Variants in SNRNP70 observed in about 807,000 individuals in gnomAD.
SNRNP70 encodes the protein U1 small nuclear ribonucleoprotein 70 kDa.
A neutral mutation model predicts 50.5 loss-of-function variants in SNRNP70; 8 were observed. The ratio of observed to expected loss-of-function variants is 0.16; its 90% confidence interval spans 0.09 to 0.29. The LOEUF is 0.29. SNRNP70 is among the 10% of genes least tolerant of loss of function. The pLI, the probability that SNRNP70 is intolerant of heterozygous loss-of-function variation, is 1.00. For synonymous variants in SNRNP70, 320 were observed against 252.9 expected (o/e 1.27, Z -2.52); for missense variants, 529 against 663.5 (o/e 0.80, Z 2.23).
At chr19:49,098,586 AGGGG>A in intron 5 of SNRNP70, 52 bp from the exon 6 acceptor site, 1 of 1,596,166 alleles carries the variant, frequency 6.3e-7, no homozygotes, top group Non-Finnish European at 8.6e-7. Context: ...GGAATGTTCC[AGGGG>A]CTGTGGGACA....
At chr19:49,086,179 A>G (rs999756185) in intron 1 of SNRNP70, among the ~76,000 whole-genome samples, 4 of 151,360 alleles carry the variant, frequency 2.6e-5, no homozygotes, top group African/African-American at 9.7e-5. Context: ...CTCTTCAGGA[A>G]CCCTTTTCCA....
Position 49,108,085 on chromosome 19 carries a change from C to T in SNRNP70, c.956C>T (p.Pro319Leu), listed in dbSNP as rs772050010. The change falls in exon 10 of 10, where the codon CCC (proline) becomes CTC (leucine). Residue 319 changes from proline (P) to leucine (L), a missense_variant. Physicochemically the swap from Pro to Leu is moderately conservative, Grantham distance 98. Transcript: ENST00000598441. The stretch of plus-strand genomic sequence containing the variant: ...GGCGGCGGTGGCGACATGGCGGAGC[C>T]CTCCGAGGCGGGTGACGCGCCCCCT... ...LRGGGGDMAE[P>L]SEAGDAPPDD... The T allele has an allele frequency of 2.6e-6, 4 of 1,553,498 alleles. No homozygotes were observed. The highest frequency in any genetic ancestry group is 2.4e-5 in the South Asian group (2 of 84,034).
intron 4 of SNRNP70, among the ~76,000 whole-genome samples, chr19:49,097,496 C>T (rs1286387422): frequency 6.6e-6 from 1 of 152,176 alleles, no homozygotes; most frequent in Non-Finnish European, 1.5e-5. Context: ...ATTTTTCACA[C>T]GTGTCTGCAA....
chr19:49,085,775 G>C (rs994908913), intron 1 of SNRNP70, 139 bp downstream of exon 1: 1 of 390,686 alleles, frequency 2.6e-6, no homozygotes, highest in African/African-American at 2.1e-5. Flanking sequence ...TCCCTTTCCC[G>C]GACCCCGAAA....
At chr19:49,106,283 T>A (rs77455399) in intron 8 of SNRNP70, among the ~76,000 whole-genome samples, 1 of 152,362 alleles carries the variant, frequency 6.6e-6, no homozygotes, top group Non-Finnish European at 1.5e-5. Flanking sequence ...ATCTTCTAGT[T>A]CAATTGCCAT....
At chr19:49,088,932 C>G (rs1024350822) in intron 2 of SNRNP70, among the ~76,000 whole-genome samples, 1 of 152,196 alleles carries the variant, frequency 6.6e-6, no homozygotes, top group African/African-American at 2.4e-5. Context: ...CACTGGCACT[C>G]ATAAGCAGGG....
chr19:49,104,636 G>A lies in SNRNP70; in HGVS notation c.478G>A (p.Ala160Thr), dbSNP rs777974947. 10 of 1,553,770 alleles carry A rather than the reference G, an allele frequency of 6.4e-6. No individual in the cohort carries two copies. Among genetic ancestry groups the A allele is most frequent in the South Asian group, 1.2e-5 (1 of 84,198 alleles). Residue 160 changes from alanine (A) to threonine (T), a missense_variant and splice_region_variant, in exon 8 of 10, where the codon GCT becomes ACT. Transcript: ENST00000598441. This position sits in a 1 kb window ranked among gnomAD's most constrained non-coding sequence, Gnocchi z 5.4. ...CCCCCTCCCCACATCTGTTACAGCC[G>A]CTTACAAACACGCAGATGGCAAGAA... Reference protein sequence around the residue: ...EYEHERDMHSAYKHADGKKID... With the variant: ...EYEHERDMHSTYKHADGKKID...
Position 49,086,709 on chromosome 19 carries a change from G to C in SNRNP70, c.147+148G>C, listed in dbSNP as rs73945420. On this transcript the variant is annotated intron_variant, in intron 2 of 9. Transcript: ENST00000598441. Reference sequence around the variant, plus strand: ...ATCCTCAGTTTCTCTGTTTTAAATGGGGTTGGAGCCGGGTGTCGGGTGTGG... The same window carrying C: ...ATCCTCAGTTTCTCTGTTTTAAATGCGGTTGGAGCCGGGTGTCGGGTGTGG... 1.9e-5 allele frequency: 15 copies of C among 775,892 alleles called. No homozygotes were observed. The African/African-American group carries it at 2.4e-4, about 13-fold the overall frequency. 48.1% of individuals were successfully genotyped at this position (775,892 alleles called of 1,614,324 possible). A position where few individuals can be genotyped will look rare whatever the true frequency, so the allele number is the denominator to read the frequency against.
chr19:49,086,472 C>G lies in SNRNP70; in HGVS notation c.58C>G (p.Pro20Ala). 2 of 1,614,162 alleles carry G rather than the reference C, an allele frequency of 1.2e-6. No homozygotes were observed. Among genetic ancestry groups the G allele is most frequent in the Non-Finnish European group, 1.7e-6 (2 of 1,180,030 alleles). The change falls in exon 2 of 10, where the codon CCA (proline) becomes GCA (alanine). Residue 20 changes from proline (P) to alanine (A), a missense_variant. Pro to Ala is a conservative substitution (Grantham distance 27, BLOSUM62 -1). Coordinates refer to ENST00000598441, the MANE Select transcript of SNRNP70 (RefSeq NM_003089.6). ...CCTCTTTGCCCCCCGTGACCCTATT[C>G]CATACCTGCCACCCCTGGAGAAACT... ...LALFAPRDPI[P>A]YLPPLEKLPH... is the part of the protein sequence containing the mutation.
intron 2 of SNRNP70, among the ~76,000 whole-genome samples, chr19:49,087,213 A>T (rs1457507312): frequency 6.7e-6 from 1 of 149,932 alleles, no homozygotes; most frequent in South Asian, 2.1e-4. Context: ...GGTTGATAGT[A>T]CACCTTTTGT....
chr19:49,092,951 T>G (rs1486979527), intron 4 of SNRNP70, among the ~76,000 whole-genome samples: 3 of 151,714 alleles, frequency 2.0e-5, no homozygotes, highest in Non-Finnish European at 4.4e-5. Context: ...GGTCGTGCTG[T>G]GTTGCCCAGG....
chr19:49,086,481 C>T lies in SNRNP70; in HGVS notation c.67C>T (p.Pro23Ser), dbSNP rs771078054. The change falls in exon 2 of 10, where the codon CCA (proline) becomes TCA (serine). Residue 23 changes from proline (P) to serine (S), a missense_variant. This residue lies in a region of SNRNP70 where 149 missense variants were observed against 259.7 expected (regional missense o/e 0.57). Transcript: ENST00000598441. ...FAPRDPIPYL[P>S]PLEKLPHEKH... The stretch of plus-strand genomic sequence containing the variant: ...CCCCCGTGACCCTATTCCATACCTG[C>T]CACCCCTGGAGAAACTGCCACATGA... 1 of 1,614,092 alleles carries T rather than the reference C, an allele frequency of 6.2e-7. No individual in the cohort carries two copies. The highest frequency in any genetic ancestry group is 1.1e-5 in the South Asian group (1 of 91,078).
At chr19:49,103,467 G>A (rs1055247199) in intron 7 of SNRNP70, 2 of 152,658 alleles carry the variant, frequency 1.3e-5, no homozygotes, top group African/African-American at 4.8e-5. Context: ...GGTAAGCTTG[G>A]GGGCTCCAGG....
chr19:49,098,302 G>T (rs1272567858), intron 4 of SNRNP70, 125 bp from the exon 5 acceptor site: 13 of 765,910 alleles, frequency 1.7e-5, no homozygotes, highest in Non-Finnish European at 2.9e-5. Flanking sequence ...CACCACCCAT[G>T]TTCCTCCAGT....
At chr19:49,088,497 CCTT>C (rs902952630) in intron 2 of SNRNP70, among the ~76,000 whole-genome samples, 2 of 80,964 alleles carry the variant, frequency 2.5e-5, no homozygotes, top group African/African-American at 9.2e-5. Context: ...CCGCACCCGA[CCTT>C]TTTTTTTTTT....
At chr19:49,093,703 AAC>A (rs2040478741) in intron 4 of SNRNP70, among the ~76,000 whole-genome samples, 1 of 150,162 alleles carries the variant, frequency 6.7e-6, no homozygotes, top group Non-Finnish European at 1.5e-5. Flanking sequence ...CAAAAAAAAA[AAC>A]AGTTCCAGGC....
chr19:49,101,111 T>A lies in SNRNP70; in HGVS notation c.394-279T>A, dbSNP rs574535911. Among the ~76,000 whole-genome samples the A allele has an allele frequency of 2.6e-5, 4 of 152,328 alleles. No homozygotes were observed. The South Asian group carries it at 8.3e-4, about 32-fold the overall frequency. On this transcript the variant is annotated intron_variant, in intron 6 of 9. Transcript: ENST00000598441. ...CCTCCTGCCCCCGGGCCCTTGGACC[T>A]CTGGAGTTACTGCTATTCCACCTGA... is the stretch of plus-strand genomic sequence containing the variant.
At chr19:49,086,319 T>C (rs1273128136) in intron 1 of SNRNP70, 86 bp from the exon 2 acceptor site, 5 of 1,428,410 alleles carry the variant, frequency 3.5e-6, no homozygotes, top group Non-Finnish European at 1.9e-6. Flanking sequence ...TTCTCCTGTC[T>C]TTCTTATTTT....
rs1418787080 is a variant in SNRNP70, at chr19:49,085,650, A to C, written c.-11+14A>C. 2.2e-6 allele frequency: 1 copy of C among 455,936 alleles called. No individual in the cohort carries two copies. The highest frequency in any genetic ancestry group is 1.5e-5 in the South Asian group (1 of 64,554). The allele number at this position is 455,936 out of a possible 1,614,324, so 28.2% of individuals were successfully genotyped here. ...GGGCGCTACGCGGTGAGTGAGTGTG[A>C]CTGAGTGGCCCGACGGGGTGCGGGG... On this transcript the variant is annotated intron_variant, in intron 1 of 9. Coordinates refer to ENST00000598441, the MANE Select transcript of SNRNP70 (RefSeq NM_003089.6).
Sources: allele counts gnomAD v4.1 joint callset (sites outside exome capture counted in the v4.1 genomes callset), GRCh38; gene constraint gnomAD v4.1.1; regional missense constraint gnomAD v4.1.1; non-coding constraint Gnocchi (gnomAD v3.1); transcripts MANE v1.5; gene names NCBI Gene and HGNC (gene_info 2026-07-23, HGNC 2026-07-21).